The following DOCK1 variants were observed in gnomAD, a reference collection of about 807,000 sequenced individuals.
DOCK1 encodes the protein dedicator of cytokinesis protein 1.
DOCK1 carries 138 observed loss-of-function variants against 262.7 expected under a neutral mutation model. The observed-to-expected ratio is 0.53, with a 90% CI of 0.46 to 0.61. The LOEUF is 0.61. Ranked by LOEUF, DOCK1 falls within the 20% of genes least tolerant of loss-of-function variation. The pLI is 0.00. For missense variants in DOCK1, 1,908 were observed against 2,370.7 expected, an observed-to-expected ratio of 0.80 and a Z score of 4.05; for synonymous variants, 866 against 867.4, an observed-to-expected ratio of 1.00 and a Z score of 0.03.
At chr10:127,077,533 G>A (rs781364618) in intron 23 of DOCK1, among the ~76,000 whole-genome samples, 14 of 152,212 alleles carry the variant, frequency 9.2e-5, no homozygotes, top group Non-Finnish European at 1.9e-4. Context: ...ATATACGTGC[G>A]CTTTTCACAT....
intron 27 of DOCK1, among the ~76,000 whole-genome samples, chr10:127,129,777 C>G (rs954803151): frequency 6.6e-6 from 1 of 152,098 alleles, no homozygotes; most frequent in African/African-American, 2.4e-5. Flanking sequence ...GATGGGCGGA[C>G]TTAGAGAGGC....
intron 13 of DOCK1, among the ~76,000 whole-genome samples, chr10:127,021,582 T>C (rs1187696460): frequency 2.0e-5 from 3 of 152,136 alleles, no homozygotes; most frequent in African/African-American, 7.2e-5. Flanking sequence ...CCTTGGAGGC[T>C]AAGTGACTTG....
intron 27 of DOCK1, among the ~76,000 whole-genome samples, chr10:127,221,468 G>A (rs1414229486): frequency 5.3e-5 from 8 of 152,186 alleles, no homozygotes; most frequent in Admixed American, 5.2e-4. Flanking sequence ...GCCTCTCCAG[G>A]TGAGAGGGTG....
intron 10 of DOCK1, among the ~76,000 whole-genome samples, chr10:127,004,805 G>T (rs987290126): frequency 8.6e-6 from 1 of 116,908 alleles, no homozygotes; most frequent in Non-Finnish European, 1.6e-5. Flanking sequence ...AAAAAGTCTT[G>T]CACAAGCCCC....
At chr10:127,114,711 C>T (rs950400207) in intron 25 of DOCK1, among the ~76,000 whole-genome samples, 3 of 151,548 alleles carry the variant, frequency 2.0e-5, no homozygotes, top group African/African-American at 7.3e-5. Flanking sequence ...CCAGTGTACT[C>T]ATCACTCAGC....
intron 27 of DOCK1, among the ~76,000 whole-genome samples, chr10:127,138,972 GTGA>G (rs2050964611): frequency 6.6e-6 from 1 of 152,160 alleles, no homozygotes; most frequent in African/African-American, 2.4e-5. Flanking sequence ...TCGTTTTTCT[GTGA>G]TGATCTCTGC....
intron 10 of DOCK1, among the ~76,000 whole-genome samples, chr10:127,006,120 T>C (rs912173635): frequency 6.6e-6 from 1 of 152,166 alleles, no homozygotes; most frequent in African/African-American, 2.4e-5. Context: ...CCTGTGCCTG[T>C]TTGCAGGCCA....
chr10:127,390,354 A>T lies in DOCK1; in HGVS notation c.3927+5445A>T, dbSNP rs116358571. ...GAACCATCTTTCTAAGACCAAGTAC[A>T]AAAAAACAAATGTTCTTATGGGCTG... is the stretch of plus-strand genomic sequence containing the variant. On this transcript the variant is annotated intron_variant, in intron 38 of 51. Coordinates refer to ENST00000623213, the MANE Select transcript of DOCK1 (RefSeq NM_001290223.2). Among the ~76,000 whole-genome samples, 434 of 152,286 alleles carry T rather than the reference A, an allele frequency of 2.8e-3. 3 individuals carry two copies. Among genetic ancestry groups the T allele is most frequent in the African/African-American group, 0.01 (425 of 41,538 alleles).
At chr10:127,390,084 G>A (rs1242342883) in intron 38 of DOCK1, among the ~76,000 whole-genome samples, 1 of 151,624 alleles carries the variant, frequency 6.6e-6, no homozygotes, top group Non-Finnish European at 1.5e-5. Flanking sequence ...TTTGCCTTCC[G>A]CCGTGAGTAT....
chr10:127,163,508 T>C (rs2053776330), intron 27 of DOCK1, among the ~76,000 whole-genome samples: 1 of 152,092 alleles, frequency 6.6e-6, no homozygotes, highest in Admixed American at 6.6e-5. Context: ...AGAAATATCT[T>C]TTGAATAATG....
intron 27 of DOCK1, 141 bp from the exon 28 acceptor site, chr10:127,247,867 G>A (rs2059483785): frequency 1.4e-6 from 1 of 718,884 alleles, no homozygotes; most frequent in African/African-American, 1.8e-5. Context: ...CCTGAGAGAG[G>A]GGCAGCAGAA....
intron 1 of DOCK1, among the ~76,000 whole-genome samples, chr10:126,948,220 G>GGTGGT (rs2035739245): frequency 1.3e-5 from 1 of 77,560 alleles, no homozygotes; most frequent in African/African-American, 4.6e-5. Context: ...TGGTGATGGT[G>GGTGGT]GTGGTTGGTA....
intron 27 of DOCK1, among the ~76,000 whole-genome samples, chr10:127,187,227 A>C (rs187398283): frequency 2.0e-5 from 3 of 152,298 alleles, no homozygotes; most frequent in East Asian, 3.9e-4. Context: ...CTATCTTTTT[A>C]TCTCTCCAGC....
chr10:127,260,412 T>A (rs1466503222), intron 29 of DOCK1, among the ~76,000 whole-genome samples: 2 of 152,206 alleles, frequency 1.3e-5, no homozygotes, highest in African/African-American at 4.8e-5. Flanking sequence ...AAAGACGTCT[T>A]GACAAGGGAA....
intron 21 of DOCK1, 85 bp from the exon 22 acceptor site, chr10:127,052,596 A>G (rs907942300): frequency 3.5e-5 from 55 of 1,573,796 alleles, no homozygotes; most frequent in Non-Finnish European, 4.4e-5. Flanking sequence ...AATAAAAGTA[A>G]CCTACTTGTA....
intron 27 of DOCK1, among the ~76,000 whole-genome samples, chr10:127,220,887 T>C (rs2134436028): frequency 6.6e-6 from 1 of 152,314 alleles, no homozygotes; most frequent in Admixed American, 6.5e-5. Context: ...CTTCACAGGC[T>C]CCATGGAGGA....
At chr10:127,334,495 A>C (rs1024945744) in intron 29 of DOCK1, among the ~76,000 whole-genome samples, 1 of 152,194 alleles carries the variant, frequency 6.6e-6, no homozygotes, top group Non-Finnish European at 1.5e-5. Flanking sequence ...AGTTTGATAA[A>C]AATGATGCTT....
At chr10:126,999,310 GTTA>G (rs1283389581) in intron 8 of DOCK1, 41 bp from the exon 9 acceptor site, 1 of 1,520,448 alleles carries the variant, frequency 6.6e-7, no homozygotes, top group African/African-American at 1.4e-5. Context: ...TTGGTACCCT[GTTA>G]TTTGGAAAAT....
At chr10:126,944,374 G>A (rs887258064) in intron 1 of DOCK1, among the ~76,000 whole-genome samples, 2 of 152,078 alleles carry the variant, frequency 1.3e-5, no homozygotes, top group African/African-American at 2.4e-5. Flanking sequence ...CCCTCAGCAC[G>A]CAGAGCCATG....
Sources: allele counts gnomAD v4.1 joint callset (sites outside exome capture counted in the v4.1 genomes callset), GRCh38; gene constraint gnomAD v4.1.1; transcripts MANE v1.5; gene names NCBI Gene and HGNC (gene_info 2026-07-23, HGNC 2026-07-21).